The following SYNE2 variants were observed in gnomAD, a reference collection of about 807,000 sequenced individuals.
The protein encoded by SYNE2 is spectrin repeat containing nuclear envelope protein 2.
Under a neutral mutation model 856.3 loss-of-function variants are expected in SYNE2, and 431 were observed. That is an observed-to-expected ratio of 0.50 (90% CI 0.47 to 0.55). SYNE2 has a LOEUF of 0.55. SYNE2 is among the 20% of genes least tolerant of loss of function. The pLI, the probability that SYNE2 is intolerant of heterozygous loss-of-function variation, is 0.00. For missense variants in SYNE2, 8,129 were observed against 8,023.2 expected (o/e 1.01, Z -0.50); for synonymous variants, 2,923 against 2,872.3 (o/e 1.02, Z -0.56).
At chr14:63,796,935 CG>C (rs1045832941) in intron 1 of SYNE2, among the ~76,000 whole-genome samples, 8 of 151,648 alleles carry the variant, frequency 5.3e-5, no homozygotes, top group African/African-American at 1.5e-4. Context: ...AAAAATTAGC[CG>C]GGTGTGGTGG....
chr14:63,972,930 TA>T (rs2153460483), intron 11 of SYNE2, among the ~76,000 whole-genome samples: 1 of 152,338 alleles, frequency 6.6e-6, no homozygotes, highest in Admixed American at 6.5e-5. Context: ...TTAGACACAC[TA>T]AAAGTACATG....
chr14:63,773,416 G>T (rs1290914711), intron 1 of SYNE2, among the ~76,000 whole-genome samples: 1 of 151,848 alleles, frequency 6.6e-6, no homozygotes, highest in African/African-American at 2.4e-5. Flanking sequence ...GCCCAGGCTG[G>T]TCTCAAACTC....
Position 64,223,266 on chromosome 14 carries a change from G to A in SYNE2, c.20268G>A (p.Lys6756=), listed in dbSNP as rs1323915032. The A allele has an allele frequency of 6.2e-7, 1 of 1,614,046 alleles. No homozygotes were observed. Among genetic ancestry groups the A allele is most frequent in the Non-Finnish European group, 8.5e-7 (1 of 1,180,024 alleles). The change falls in exon 113 of 116, where the codon AAG becomes AAA. Residue 6756 remains lysine (K), a synonymous_variant. Transcript: ENST00000555002. ...AGATTTCAAACAGCCTTCTCATTAA[G>A]GGACATGGAGAAGACTGTATTGAAG... ...LQEISNSLLI[K]GHGEDCIEAE... is the part of the protein sequence containing the mutation.
Position 63,840,384 on chromosome 14 carries a change from T to A in SYNE2, c.-304-12117T>A, listed in dbSNP as rs569597691. Among the ~76,000 whole-genome samples, 14 of 151,864 alleles carry A rather than the reference T, an allele frequency of 9.2e-5. No homozygotes were observed. The South Asian group carries it at 2.9e-3, about 32-fold the overall frequency. On this transcript the variant is annotated intron_variant, in intron 1 of 23. Transcript: ENST00000674003. ...TTCAGGGAACCCAGTTTTTTGTATTTCTTCCTTTCTTTCCTTTCCTTCCTT... is the reference window on the plus strand; with the variant it reads ...TTCAGGGAACCCAGTTTTTTGTATTACTTCCTTTCTTTCCTTTCCTTCCTT...
intron 107 of SYNE2, 49 bp from the exon 108 acceptor site, chr14:64,216,199 C>T: frequency 6.2e-7 from 1 of 1,612,228 alleles, no homozygotes; most frequent in Non-Finnish European, 8.5e-7. Context: ...TCACCCGTGA[C>T]CCGTTCAGTA....
chr14:63,901,979 A>G lies in SYNE2; in HGVS notation c.-51-7119A>G, dbSNP rs113017977. 4.4e-4 allele frequency among the ~76,000 whole-genome samples: 67 copies of G among 152,242 alleles called. 1 individual carries two copies. The highest frequency in any genetic ancestry group is 1.5e-3 in the African/African-American group (63 of 41,544). On this transcript the variant is annotated intron_variant, in intron 1 of 115. Coordinates refer to ENST00000555002, the MANE Select transcript of SYNE2 (RefSeq NM_182914.3). The stretch of plus-strand genomic sequence containing the variant: ...CCCCCAAATAGCTTATGTCATTGGT[A>G]AAAGCATGTATATTAATTTACATGT...
At chr14:64,057,366 A>T (rs1173629930) in intron 49 of SYNE2, among the ~76,000 whole-genome samples, 1 of 152,174 alleles carries the variant, frequency 6.6e-6, no homozygotes, top group East Asian at 1.9e-4. Flanking sequence ...AAGTGGGAAT[A>T]TGTGATGTTT....
At position 64,219,286 on chromosome 14, in the gene SYNE2, T is replaced by C. The variant is rs1192511314; in HGVS notation, c.19736T>C (p.Leu6579Pro). The C allele has an allele frequency of 4.3e-6, 7 of 1,613,880 alleles. No individual in the cohort carries two copies. The highest frequency in any genetic ancestry group is 5.9e-6 in the Non-Finnish European group (7 of 1,180,024). ...AAAATAAAACAAAATTTGCAACAGC[T>C]GAACTCTGATATCAGCGCCATCACT... is the stretch of plus-strand genomic sequence containing the variant. ...KLKIKQNLQQ[L>P]NSDISAITTW... Residue 6579 changes from leucine to proline, a missense_variant, in exon 110 of 116, where the codon CTG (leucine) becomes CCG (proline). Leu to Pro is a moderately conservative substitution (Grantham distance 98, BLOSUM62 -3). Coordinates refer to ENST00000555002, the MANE Select transcript of SYNE2 (RefSeq NM_182914.3).
intron 85 of SYNE2, among the ~76,000 whole-genome samples, chr14:64,156,443 ATTTTCTT>A (rs2098286234): frequency 7.4e-6 from 1 of 134,960 alleles, no homozygotes. Flanking sequence ...TTTCTTCTTT[ATTTTCTT>A]TTTTCTTTCC....
intron 6 of SYNE2, among the ~76,000 whole-genome samples, chr14:63,944,823 G>GTTTTTTTTTTTTTTTTT (rs2095995950): frequency 3.0e-5 from 2 of 65,786 alleles, no homozygotes; most frequent in Non-Finnish European, 5.3e-5. Flanking sequence ...TGGGCTTAAA[G>GTTTTTTTTTTTTTTTTT]CTTTTTTTTT....
intron 10 of SYNE2, among the ~76,000 whole-genome samples, chr14:63,967,260 A>T (rs1442325520): frequency 6.6e-6 from 1 of 152,260 alleles, no homozygotes; most frequent in African/African-American, 2.4e-5. Context: ...CAAAGTTTAT[A>T]TAAAATGAAT....
rs1424981853 is a variant in SYNE2, at chr14:64,141,667, AC to A, written c.15159+147del. 19 of 950,234 alleles carry A rather than the reference AC, an allele frequency of 2.0e-5. 1 individual carries two copies. In the East Asian group the frequency reaches 5.0e-4, roughly 25 times the overall value. 58.9% of individuals were successfully genotyped at this position (950,234 alleles called of 1,614,324 possible). ...ACTGAATATAAGTCTTAATTACTGG[AC>A]CCTCCTCCAATGGGATTTTTCTTAA... On this transcript the variant is annotated intron_variant, in intron 81 of 115. Coordinates refer to ENST00000555002, the MANE Select transcript of SYNE2 (RefSeq NM_182914.3).
At chr14:63,952,439 A>G (rs923986625) in intron 7 of SYNE2, among the ~76,000 whole-genome samples, 4 of 152,194 alleles carry the variant, frequency 2.6e-5, no homozygotes, top group Non-Finnish European at 4.4e-5. Flanking sequence ...TTGCATTACA[A>G]TTTGCCATTA....
At chr14:64,080,681 T>C in intron 56 of SYNE2, 43 bp downstream of exon 56, 1 of 1,605,030 alleles carries the variant, frequency 6.2e-7, no homozygotes, top group Non-Finnish European at 8.5e-7. Flanking sequence ...TGTGGTGGTA[T>C]TGAGATGGTG....
At chr14:63,840,478 T>C (rs1890026448) in intron 1 of SYNE2, among the ~76,000 whole-genome samples, 1 of 142,984 alleles carries the variant, frequency 7.0e-6, no homozygotes, top group African/African-American at 2.6e-5. Context: ...TCCTTCCTTT[T>C]CCCTCCCTCC....
chr14:64,163,801 A>G (rs988815914), intron 89 of SYNE2, among the ~76,000 whole-genome samples: 1 of 152,196 alleles, frequency 6.6e-6, no homozygotes, highest in Non-Finnish European at 1.5e-5. Context: ...GAAGTCATAT[A>G]TGTATTATAT....
chr14:63,939,336 A>C (rs1595754513), intron 2 of SYNE2, among the ~76,000 whole-genome samples: 2 of 133,428 alleles, frequency 1.5e-5, no homozygotes, highest in African/African-American at 2.9e-5. Context: ...TCCTACCTGG[A>C]TTTTTTTTTT....
chr14:63,947,339 A>G (rs1258651183), intron 6 of SYNE2, among the ~76,000 whole-genome samples: 1 of 152,192 alleles, frequency 6.6e-6, no homozygotes, highest in East Asian at 1.9e-4. Context: ...GAGGAAATAA[A>G]TTATTCAATT....
chr14:64,012,439 T>C (rs921065481), intron 32 of SYNE2, among the ~76,000 whole-genome samples: 5 of 152,228 alleles, frequency 3.3e-5, no homozygotes, highest in Non-Finnish European at 7.3e-5. Context: ...TAATCCACCA[T>C]GTTAAACTTG....
Sources: gnomAD v4.1 joint callset for allele counts (sites outside exome capture counted in the v4.1 genomes callset) on GRCh38, gnomAD v4.1.1 for gene constraint, MANE v1.5 for transcripts, NCBI Gene and HGNC (gene_info 2026-07-23, HGNC 2026-07-21) for gene names.